The following RBMS3 variants were observed in gnomAD, a reference collection of about 807,000 sequenced individuals.
RBMS3 encodes RNA-binding motif, single-stranded-interacting protein 3.
In RBMS3, 27 loss-of-function variants were observed where a neutral mutation model predicts 66.8. The observed-to-expected ratio is 0.40, with a 90% CI of 0.30 to 0.56. RBMS3 has a LOEUF of 0.56. Ranked by LOEUF, RBMS3 falls within the 20% of genes least tolerant of loss-of-function variation. The pLI is 0.40. For synonymous variants in RBMS3, 188 were observed against 183.0 expected (o/e 1.03, Z -0.22); for missense variants, 513 against 549.5 (o/e 0.93, Z 0.66).
At chr3:29,673,839 T>C (rs191439554) in intron 4 of RBMS3, among the ~76,000 whole-genome samples, 30 of 152,302 alleles carry the variant, frequency 2.0e-4, no homozygotes, top group African/African-American at 7.2e-4. Flanking sequence ...GAGGAGCTGG[T>C]ACCATTCGTT....
At chr3:29,470,997 A>T (rs956980406) in intron 2 of RBMS3, among the ~76,000 whole-genome samples, 8 of 152,174 alleles carry the variant, frequency 5.3e-5, no homozygotes, top group Non-Finnish European at 1.2e-4. Context: ...GTACTAATAG[A>T]TATTTATATT....
intron 6 of RBMS3, among the ~76,000 whole-genome samples, chr3:29,867,795 T>C (rs899160943): frequency 7.2e-5 from 11 of 151,736 alleles, no homozygotes; most frequent in African/African-American, 2.4e-4. Context: ...GGGCCTTTAG[T>C]ATCATTAATC....
intron 6 of RBMS3, among the ~76,000 whole-genome samples, chr3:29,796,541 A>T (rs1347449206): frequency 6.6e-6 from 1 of 152,186 alleles, no homozygotes; most frequent in Admixed American, 6.5e-5. Flanking sequence ...TATGAAATAT[A>T]TTTCTAAAAC....
chr3:29,622,423 G>A (rs936027922), intron 4 of RBMS3, among the ~76,000 whole-genome samples: 1 of 152,072 alleles, frequency 6.6e-6, no homozygotes, highest in Non-Finnish European at 1.5e-5. Flanking sequence ...GTGTGCATGG[G>A]CAATTAGTTT....
chr3:29,939,613 C>G (rs2061344169), intron 11 of RBMS3, among the ~76,000 whole-genome samples: 1 of 151,816 alleles, frequency 6.6e-6, no homozygotes, highest in South Asian at 2.1e-4. Context: ...CCCAAGAACT[C>G]CCAGTTTGTG....
chr3:29,741,277 C>T (rs2054631905), intron 5 of RBMS3, among the ~76,000 whole-genome samples: 1 of 152,154 alleles, frequency 6.6e-6, no homozygotes, highest in Non-Finnish European at 1.5e-5. Flanking sequence ...TGAAGAAAAT[C>T]TCCCTGACTT....
At chr3:29,316,909 A>G (rs549082769) in intron 1 of RBMS3, among the ~76,000 whole-genome samples, 1 of 151,828 alleles carries the variant, frequency 6.6e-6, no homozygotes, top group African/African-American at 2.4e-5. Flanking sequence ...AATTTTAGTG[A>G]TTCTTAATAT....
intron 6 of RBMS3, among the ~76,000 whole-genome samples, chr3:29,845,788 A>G (rs1559731768): frequency 6.6e-6 from 1 of 152,176 alleles, no homozygotes; most frequent in Non-Finnish European, 1.5e-5. Context: ...ATTTATTTTA[A>G]AAAGGAGGAT....
At chr3:29,995,696 C>A (rs1371956237) in intron 14 of RBMS3, among the ~76,000 whole-genome samples, 3 of 152,202 alleles carry the variant, frequency 2.0e-5, no homozygotes, top group Admixed American at 6.5e-5. Context: ...GAAATAAAAT[C>A]CTTTACAAAC....
chr3:29,508,092 A>G (rs2044255330), intron 3 of RBMS3, among the ~76,000 whole-genome samples: 1 of 152,182 alleles, frequency 6.6e-6, no homozygotes, highest in Admixed American at 6.6e-5. Flanking sequence ...AGAAACTTCT[A>G]ACTACTAATC....
chr3:29,764,986 C>T (rs9837825), intron 6 of RBMS3, among the ~76,000 whole-genome samples: 64,685 of 151,778 alleles, frequency 0.43, 14,094 homozygotes, highest in African/African-American at 0.51. Flanking sequence ...GATTTCCACT[C>T]ATCATAATAG....
In RBMS3 at chr3:29,814,152, C is replaced by G. The variant is rs1214267688; in HGVS notation, c.637+51163C>G. ...TAGCTCTTATTATTTTGAGATACAT[C>G]CCATCAATACCTAATTTATTGAGAG... On this transcript the variant is annotated intron_variant, in intron 6 of 14. Coordinates refer to ENST00000383767, the MANE Select transcript of RBMS3 (RefSeq NM_001003793.3). Among the ~76,000 whole-genome samples the G allele has an allele frequency of 5.1e-4, 78 of 151,644 alleles. 1 individual carries two copies. Among genetic ancestry groups the G allele is most frequent in the African/African-American group, 1.8e-3 (75 of 41,136 alleles).
chr3:29,428,053 G>A (rs147285458), intron 1 of RBMS3, among the ~76,000 whole-genome samples: 75 of 152,276 alleles, frequency 4.9e-4, no homozygotes, highest in African/African-American at 1.8e-3. Flanking sequence ...TGTTGGAGGG[G>A]GTGAATGCCA....
At chr3:29,377,530 T>C (rs1191915347) in intron 1 of RBMS3, among the ~76,000 whole-genome samples, 1 of 152,214 alleles carries the variant, frequency 6.6e-6, no homozygotes, top group African/African-American at 2.4e-5. Flanking sequence ...TCTGTGAATC[T>C]TCCTTTACCT....
chr3:29,372,185 C>A (rs756169197), intron 1 of RBMS3, among the ~76,000 whole-genome samples: 5 of 152,144 alleles, frequency 3.3e-5, no homozygotes, highest in Non-Finnish European at 5.9e-5. Flanking sequence ...AAGAAATGAT[C>A]TGGATGTGGG....
chr3:29,329,683 T>C (rs1382474044), intron 1 of RBMS3, among the ~76,000 whole-genome samples: 1 of 151,846 alleles, frequency 6.6e-6, no homozygotes, highest in African/African-American at 2.4e-5. Context: ...GTGCCATGCA[T>C]TGAGTCAAGC....
chr3:29,382,336 C>T (rs1188612858), intron 1 of RBMS3, among the ~76,000 whole-genome samples: 1 of 152,170 alleles, frequency 6.6e-6, no homozygotes, highest in Non-Finnish European at 1.5e-5. Flanking sequence ...AGTTATTCTG[C>T]AGCACACAAT....
intron 1 of RBMS3, among the ~76,000 whole-genome samples, chr3:29,390,534 T>A (rs1390024209): frequency 6.8e-6 from 1 of 146,938 alleles, no homozygotes; most frequent in Non-Finnish European, 1.5e-5. Flanking sequence ...GTAAGAAGCA[T>A]CTCCATATCA....
At chr3:29,875,575 A>G (rs6549958) in intron 7 of RBMS3, among the ~76,000 whole-genome samples, 46,246 of 151,886 alleles carry the variant, frequency 0.3, 9,732 homozygotes, top group African/African-American at 0.61. Flanking sequence ...AAAAACCTGC[A>G]TCTTGGAATC....
Sources: gnomAD v4.1 joint callset for allele counts (sites outside exome capture counted in the v4.1 genomes callset) on GRCh38, gnomAD v4.1.1 for gene constraint, MANE v1.5 for transcripts, NCBI Gene and HGNC (gene_info 2026-07-23, HGNC 2026-07-21) for gene names.